PCDH9: variants seen among roughly 807,000 people sequenced by gnomAD.
The protein encoded by PCDH9 is protocadherin 9.
A neutral mutation model predicts 70.6 loss-of-function variants in PCDH9; 24 were observed. The ratio of observed to expected loss-of-function variants is 0.34; its 90% confidence interval spans 0.25 to 0.48. The LOEUF (loss-of-function observed/expected upper bound fraction) is 0.48. Among genes scored for constraint, PCDH9 ranks in the 20% least tolerant of loss-of-function variants. The probability of loss-of-function intolerance (pLI) is 0.99; values close to 1 mark genes in which losing one functional copy is unlikely to be tolerated. For synonymous variants in PCDH9, 562 were observed against 558.5 expected (o/e 1.01, Z -0.09); for missense variants, 1,281 against 1,503.6 (o/e 0.85, Z 2.45).
intron 2 of PCDH9, among the ~76,000 whole-genome samples, chr13:67,086,027 G>A (rs1366804793): frequency 6.6e-6 from 1 of 151,982 alleles, no homozygotes; most frequent in Admixed American, 6.6e-5. Context: ...TTATAACTAA[G>A]GAAAATATTA....
intron 4 of PCDH9, among the ~76,000 whole-genome samples, chr13:66,413,672 C>A (rs577697237): frequency 6.6e-6 from 1 of 150,852 alleles, no homozygotes; most frequent in South Asian, 2.1e-4. Context: ...GGCAACAGAG[C>A]GAGACTCCAT....
chr13:66,870,332 A>G (rs1415733976), intron 3 of PCDH9, among the ~76,000 whole-genome samples: 4 of 152,108 alleles, frequency 2.6e-5, no homozygotes, highest in Admixed American at 2.0e-4. Context: ...GTAGCCTTGT[A>G]GTATAGTTTG....
chr13:66,916,119 T>C (rs1168742050), intron 2 of PCDH9, among the ~76,000 whole-genome samples: 3 of 151,716 alleles, frequency 2.0e-5, no homozygotes, highest in Admixed American at 6.6e-5. Flanking sequence ...ATGTATTTTA[T>C]ATAGATGACA....
intron 3 of PCDH9, among the ~76,000 whole-genome samples, chr13:66,741,928 T>C (rs2079270234): frequency 6.7e-6 from 1 of 150,210 alleles, no homozygotes; most frequent in Non-Finnish European, 1.5e-5. Context: ...CAAGGTAATT[T>C]ATAGAGTCAA....
At chr13:66,990,494 T>C (rs2083979548) in intron 2 of PCDH9, among the ~76,000 whole-genome samples, 1 of 150,820 alleles carries the variant, frequency 6.6e-6, no homozygotes, top group South Asian at 2.1e-4. Flanking sequence ...TTTTTATATG[T>C]AAAAGAATAT....
chr13:67,076,432 T>A (rs1594477287), intron 2 of PCDH9, among the ~76,000 whole-genome samples: 1 of 152,288 alleles, frequency 6.6e-6, no homozygotes, highest in East Asian at 1.9e-4. Context: ...GAAGTTTCAT[T>A]CAGTAGAAAG....
At chr13:66,868,491 A>G (rs2139500374) in intron 3 of PCDH9, among the ~76,000 whole-genome samples, 1 of 152,094 alleles carries the variant, frequency 6.6e-6, no homozygotes, top group African/African-American at 2.4e-5. Flanking sequence ...TTTTTAATAA[A>G]TATTTGAGGA....
chr13:66,546,173 TAA>T (rs71106978), intron 4 of PCDH9, among the ~76,000 whole-genome samples: 35 of 146,282 alleles, frequency 2.4e-4, no homozygotes, highest in Non-Finnish European at 2.6e-4. Flanking sequence ...TTCTATTTAT[TAA>T]AAAAAAAAAA....
chr13:66,443,051 T>C (rs1343761327), intron 4 of PCDH9, among the ~76,000 whole-genome samples: 1 of 152,144 alleles, frequency 6.6e-6, no homozygotes. Context: ...GGACCCTCTG[T>C]GAATGCCAAA....
chr13:66,529,652 G>GT (rs1211947562), intron 4 of PCDH9, among the ~76,000 whole-genome samples: 3 of 151,844 alleles, frequency 2.0e-5, no homozygotes, highest in Non-Finnish European at 4.4e-5. Flanking sequence ...AAAGTTTTGT[G>GT]TTTTTTTCCC....
chr13:66,621,793 T>C (rs1273021101), intron 4 of PCDH9, among the ~76,000 whole-genome samples: 1 of 152,282 alleles, frequency 6.6e-6, no homozygotes, highest in Non-Finnish European at 1.5e-5. Context: ...CTGGCAGTCC[T>C]CACAGCCCTG....
chr13:66,378,440 T>A (rs1956788674), intron 4 of PCDH9, among the ~76,000 whole-genome samples: 1 of 152,174 alleles, frequency 6.6e-6, no homozygotes, highest in African/African-American at 2.4e-5. Flanking sequence ...TGTGTGTGTA[T>A]GTGTTTAACT....
chr13:66,574,390 A>C (rs1394108092), intron 4 of PCDH9, among the ~76,000 whole-genome samples: 1 of 152,108 alleles, frequency 6.6e-6, no homozygotes, highest in Non-Finnish European at 1.5e-5. Context: ...GATCTTGTCT[A>C]CTGATACATA....
chr13:66,960,502 A>C (rs961929943), intron 2 of PCDH9, among the ~76,000 whole-genome samples: 8 of 152,178 alleles, frequency 5.3e-5, no homozygotes, highest in African/African-American at 1.9e-4. Flanking sequence ...GGTTGATGGA[A>C]GGAGTTGTTC....
rs573055011 is a variant in PCDH9, at chr13:66,716,874, T to C, written c.3139-85463A>G. ...GAGAAGCCAGAACAAAGTGTCCACA[T>C]GGTAATATATTTTTATGAGATTTTC... On this transcript the variant is annotated intron_variant, in intron 3 of 4. Transcript: ENST00000377865. Among the ~76,000 whole-genome samples, 8 of 152,224 alleles carry C rather than the reference T, an allele frequency of 5.3e-5. No individual in the cohort carries two copies. The South Asian group carries it at 1.0e-3, about 20-fold the overall frequency.
chr13:66,804,315 T>C (rs1414412514), intron 3 of PCDH9, among the ~76,000 whole-genome samples: 1 of 152,152 alleles, frequency 6.6e-6, no homozygotes, highest in Non-Finnish European at 1.5e-5. Context: ...TAAGAGTGTA[T>C]TTCCACAGTC....
At chr13:67,225,079 C>T in intron 2 of PCDH9, 2 of 1,172,172 alleles carry the variant, frequency 1.7e-6, no homozygotes, top group Non-Finnish European at 2.1e-6. Context: ...TGGAAACCCC[C>T]AGGAGCAGAA....
At chr13:66,902,886 C>A (rs773483396) in intron 3 of PCDH9, among the ~76,000 whole-genome samples, 5 of 151,564 alleles carry the variant, frequency 3.3e-5, no homozygotes, top group African/African-American at 4.8e-5. Context: ...ACTGGAAAAA[C>A]CCTTCCAACA....
At chr13:66,906,317 A>C (rs1284771070) in intron 2 of PCDH9, among the ~76,000 whole-genome samples, 1 of 152,238 alleles carries the variant, frequency 6.6e-6, no homozygotes, top group Non-Finnish European at 1.5e-5. Flanking sequence ...GCCATGAGTA[A>C]TTTGATAATA....
Sources: allele counts gnomAD v4.1 joint callset (sites outside exome capture counted in the v4.1 genomes callset), GRCh38; gene constraint gnomAD v4.1.1; transcripts MANE v1.5; gene names NCBI Gene and HGNC (gene_info 2026-07-23, HGNC 2026-07-21).